BCKDHB: variants seen among roughly 807,000 people sequenced by gnomAD.
The protein encoded by BCKDHB is branched chain keto acid dehydrogenase E1 subunit beta.
In BCKDHB, 41 loss-of-function variants were observed where a neutral mutation model predicts 48.5. The ratio of observed to expected loss-of-function variants is 0.85; its 90% CI spans 0.66 to 1.10. The LOEUF (loss-of-function observed/expected upper bound fraction) is 1.10, where lower values mean the gene tolerates loss of function less well. Ranked by LOEUF, BCKDHB falls within the 50% of genes least tolerant of loss-of-function variation. The probability of loss-of-function intolerance (pLI) is 0.00; values close to 1 mark genes in which losing one functional copy is unlikely to be tolerated. For synonymous variants in BCKDHB, 201 were observed against 174.8 expected (o/e 1.15, Z -1.18); for missense variants, 496 against 494.2 (o/e 1.00, Z -0.03).
At chr6:80,369,786 G>A in the BCKDHB span, among the ~76,000 whole-genome samples, 2 of 152,172 alleles carry the variant, frequency 1.3e-5, no homozygotes, top group African/African-American at 4.8e-5. Flanking sequence ...CCAAGGAATG[G>A]AAAGCCAACT....
At chr6:80,165,728 T>G in intron 3 of BCKDHB, among the ~76,000 whole-genome samples, 1 of 152,212 alleles carries the variant, frequency 6.6e-6, no homozygotes, top group Non-Finnish European at 1.5e-5. Context: ...ATGGATCGTC[T>G]AAAGGGTTTA....
At chr6:80,120,482 T>G (rs2127717469) in intron 1 of BCKDHB, among the ~76,000 whole-genome samples, 1 of 152,106 alleles carries the variant, frequency 6.6e-6, no homozygotes, top group South Asian at 2.1e-4. Flanking sequence ...CCACCAAGAG[T>G]GTAAAAGTGT....
At chr6:80,443,181 A>G in the BCKDHB span, among the ~76,000 whole-genome samples, 1 of 152,098 alleles carries the variant, frequency 6.6e-6, no homozygotes, top group Non-Finnish European at 1.5e-5. Flanking sequence ...ACCAACATCC[A>G]TTGCCAATTT....
chr6:80,437,022 C>T, the BCKDHB span, among the ~76,000 whole-genome samples: 2 of 151,900 alleles, frequency 1.3e-5, no homozygotes, highest in Admixed American at 1.3e-4. Flanking sequence ...ATATACTCAC[C>T]CATAATATTA....
At chr6:80,203,799 T>C (rs1774510287) in intron 8 of BCKDHB, among the ~76,000 whole-genome samples, 1 of 152,102 alleles carries the variant, frequency 6.6e-6, no homozygotes, top group African/African-American at 2.4e-5. Flanking sequence ...AAGATTTACA[T>C]AGCCAGTTCC....
chr6:80,123,297 C>T (rs1005128556), intron 1 of BCKDHB, among the ~76,000 whole-genome samples: 9 of 151,968 alleles, frequency 5.9e-5, no homozygotes, highest in East Asian at 1.9e-4. Context: ...CCTCAGCTTA[C>T]GAAGATAACA....
At chr6:80,280,732 T>C (rs1466920083) in intron 9 of BCKDHB, among the ~76,000 whole-genome samples, 1 of 152,230 alleles carries the variant, frequency 6.6e-6, no homozygotes, top group East Asian at 1.9e-4. Flanking sequence ...TCTCAAAATG[T>C]ATTCCTGTCC....
intron 8 of BCKDHB, among the ~76,000 whole-genome samples, chr6:80,229,867 A>C (rs1775834661): frequency 2.0e-5 from 3 of 151,960 alleles, no homozygotes. Flanking sequence ...TAAATTTTAC[A>C]AGAAAGAAAG....
chr6:80,220,364 TCAAGTTATGTTC>T (rs1775376062), intron 8 of BCKDHB, among the ~76,000 whole-genome samples: 1 of 148,102 alleles, frequency 6.8e-6, no homozygotes, highest in Non-Finnish European at 1.5e-5. Flanking sequence ...TACATTTTTT[TCAAGTTATGTTC>T]TATAGATTAT....
chr6:80,110,359 G>C (rs532413959), intron 1 of BCKDHB, among the ~76,000 whole-genome samples: 3 of 152,104 alleles, frequency 2.0e-5, no homozygotes, highest in Non-Finnish European at 2.9e-5. Context: ...TTGGACACTT[G>C]GTATCCCCTA....
chr6:80,329,449 T>C (rs1769211163), intron 9 of BCKDHB, among the ~76,000 whole-genome samples: 1 of 152,136 alleles, frequency 6.6e-6, no homozygotes, highest in Non-Finnish European at 1.5e-5. Flanking sequence ...TTGTAATGCT[T>C]CCTAGCTACC....
At chr6:80,342,264 A>AT (rs1202136085) in intron 9 of BCKDHB, among the ~76,000 whole-genome samples, 1 of 152,200 alleles carries the variant, frequency 6.6e-6, no homozygotes, top group African/African-American at 2.4e-5. Flanking sequence ...ATGTAAAAAA[A>AT]ACTGGACCTC....
At chr6:80,222,476 A>G (rs939230039) in intron 8 of BCKDHB, among the ~76,000 whole-genome samples, 1 of 152,134 alleles carries the variant, frequency 6.6e-6, no homozygotes, top group African/African-American at 2.4e-5. Context: ...CATTGCAAAA[A>G]CAGACTCATT....
the BCKDHB span, among the ~76,000 whole-genome samples, chr6:80,431,199 T>G: frequency 6.6e-6 from 1 of 152,220 alleles, no homozygotes; most frequent in South Asian, 2.1e-4. Flanking sequence ...TTATTATTAT[T>G]TCAGTTCTTT....
chr6:80,431,070 A>T, the BCKDHB span, among the ~76,000 whole-genome samples: 2 of 151,994 alleles, frequency 1.3e-5, no homozygotes, highest in Non-Finnish European at 2.9e-5. Context: ...CCTTCATTTC[A>T]TTATTTACCC....
intron 8 of BCKDHB, among the ~76,000 whole-genome samples, chr6:80,205,700 T>G (rs765058773): frequency 6.6e-6 from 1 of 151,886 alleles, no homozygotes; most frequent in Non-Finnish European, 1.5e-5. Flanking sequence ...AACTTGATAT[T>G]AAAAAGCTAA....
chr6:80,286,650 C>T (rs662408), intron 9 of BCKDHB, among the ~76,000 whole-genome samples: 121,295 of 152,018 alleles, frequency 0.8, 48,568 homozygotes, highest in Admixed American at 0.87. Flanking sequence ...TTTGAGTTAA[C>T]GGGGAGGATA....
intron 8 of BCKDHB, among the ~76,000 whole-genome samples, chr6:80,265,553 A>G (rs768504044): frequency 9.2e-5 from 14 of 152,048 alleles, no homozygotes; most frequent in Non-Finnish European, 1.9e-4. Context: ...AAGAAGAGGG[A>G]ATGAGGAGTT....
chr6:80,438,161 A>G, the BCKDHB span, among the ~76,000 whole-genome samples: 2 of 152,236 alleles, frequency 1.3e-5, no homozygotes, highest in African/African-American at 2.4e-5. Context: ...TCCTCAGATC[A>G]CATACACACT....
Sources: allele counts gnomAD v4.1 joint callset (sites outside exome capture counted in the v4.1 genomes callset), GRCh38; gene constraint gnomAD v4.1.1; transcripts MANE v1.5; gene names NCBI Gene and HGNC (gene_info 2026-07-23, HGNC 2026-07-21).